CRTAC1: variants seen among roughly 807,000 people sequenced by gnomAD.
CRTAC1 encodes cartilage acidic protein 1.
Under a neutral mutation model 67.8 loss-of-function variants are expected in CRTAC1, and 37 were observed. That is an observed-to-expected ratio of 0.55 (90% CI 0.42 to 0.72). The LOEUF is 0.72. CRTAC1 is among the 30% of genes least tolerant of loss of function. The pLI is 0.00. For synonymous variants in CRTAC1, 348 were observed against 371.0 expected (o/e 0.94, Z 0.71); for missense variants, 780 against 931.6 (o/e 0.84, Z 2.12).
At chr10:97,939,293 C>G (rs770202755) in intron 2 of CRTAC1, among the ~76,000 whole-genome samples, 10 of 152,192 alleles carry the variant, frequency 6.6e-5, no homozygotes, top group Non-Finnish European at 1.3e-4. Flanking sequence ...GGCCCCGGCT[C>G]TCTTCTTTAA....
chr10:97,997,451 C>CA (rs746635057), intron 2 of CRTAC1, among the ~76,000 whole-genome samples: 1,430 of 46,434 alleles, frequency 0.031, 31 homozygotes, highest in African/African-American at 0.055. Context: ...GACTCTGTCT[C>CA]AAAAAAAAAA....
At chr10:97,997,726 G>C (rs1206508609) in intron 2 of CRTAC1, among the ~76,000 whole-genome samples, 1 of 152,102 alleles carries the variant, frequency 6.6e-6, no homozygotes, top group Non-Finnish European at 1.5e-5. Context: ...GATTTGAAAA[G>C]AACCATATAA....
chr10:98,016,548 T>C lies in CRTAC1; in HGVS notation c.25-5211A>G, dbSNP rs146974053. 7.9e-5 allele frequency among the ~76,000 whole-genome samples: 12 copies of C among 152,234 alleles called. No homozygotes were observed. In the East Asian group the frequency reaches 1.9e-3, roughly 25 times the overall value. ...GCATTCCCAGGAAGTTGTCAGGTGA[T>C]ATGAGACTCTAGGCTGGCGGCTCTG... is the stretch of plus-strand genomic sequence containing the variant. On this transcript the variant is annotated intron_variant, in intron 1 of 14. Transcript: ENST00000370597.
chr10:98,002,761 CTTTTTTTTTTTTTTTTTTTTTT>C (rs531021933), intron 2 of CRTAC1, among the ~76,000 whole-genome samples: 9 of 37,268 alleles, frequency 2.4e-4, no homozygotes, highest in East Asian at 7.5e-4. Flanking sequence ...ACAAAACTCA[CTTTTTTTTTTTTTTTTTTTTTT>C]TTTTTTTTTT....
chr10:97,897,808 C>A (rs1024213666), intron 8 of CRTAC1, among the ~76,000 whole-genome samples: 3 of 152,174 alleles, frequency 2.0e-5, no homozygotes, highest in African/African-American at 7.2e-5. Context: ...GGGTGCTCTG[C>A]CCTAGATGTG....
intron 2 of CRTAC1, among the ~76,000 whole-genome samples, chr10:98,001,172 C>T (rs909361443): frequency 3.9e-5 from 6 of 152,004 alleles, no homozygotes; most frequent in East Asian, 3.9e-4. Context: ...AAACAAAAAT[C>T]GACAGAATTA....
intron 2 of CRTAC1, among the ~76,000 whole-genome samples, chr10:97,989,184 G>A (rs756080561): frequency 6.6e-5 from 10 of 152,052 alleles, no homozygotes; most frequent in East Asian, 3.8e-4. Context: ...TGAACCTTTT[G>A]CTTGCAGACG....
intron 2 of CRTAC1, among the ~76,000 whole-genome samples, chr10:97,941,603 C>A (rs969082866): frequency 6.6e-6 from 1 of 152,140 alleles, no homozygotes; most frequent in Non-Finnish European, 1.5e-5. Context: ...AGGCCAGGAA[C>A]CTGCGTCAGA....
At chr10:97,898,698 C>T (rs187229064) in intron 8 of CRTAC1, among the ~76,000 whole-genome samples, 107 of 152,124 alleles carry the variant, frequency 7.0e-4, no homozygotes, top group Middle Eastern at 3.4e-3. Context: ...GCTCTGTCTG[C>T]AGGACTAGAG....
At position 97,980,720 on chromosome 10, in the gene CRTAC1, C is replaced by T. The variant is rs568149051; in HGVS notation, c.224+30418G>A. 1.1e-4 allele frequency among the ~76,000 whole-genome samples: 16 copies of T among 152,326 alleles called. No individual in the cohort carries two copies. In the East Asian group the frequency reaches 3.1e-3, roughly 29 times the overall value. ...GCACCTATGCACCAGAGCAGAGGCTCAGAGAAGTCTGGCACAAATAAGAGA... is the reference window on the plus strand; with the variant it reads ...GCACCTATGCACCAGAGCAGAGGCTTAGAGAAGTCTGGCACAAATAAGAGA... On this transcript the variant is annotated intron_variant, in intron 2 of 14. Coordinates refer to ENST00000370597, the MANE Select transcript of CRTAC1 (RefSeq NM_018058.7).
intron 11 of CRTAC1, among the ~76,000 whole-genome samples, chr10:97,889,337 G>A (rs374305450): frequency 4.4e-4 from 67 of 152,212 alleles, no homozygotes; most frequent in African/African-American, 1.5e-3. Context: ...CCAGGTTGGC[G>A]GTGGGGGAGC....
chr10:97,882,427 C>A (rs1402315800), intron 13 of CRTAC1, among the ~76,000 whole-genome samples: 2 of 152,246 alleles, frequency 1.3e-5, no homozygotes, highest in African/African-American at 4.8e-5. Flanking sequence ...CCCTTGCCTG[C>A]CAGCCCCCTT....
At chr10:98,023,691 G>T (rs140955432) in intron 1 of CRTAC1, among the ~76,000 whole-genome samples, 153 of 152,316 alleles carry the variant, frequency 1.0e-3, no homozygotes, top group African/African-American at 3.6e-3. Flanking sequence ...GACGGAAAGA[G>T]CCTGCCACCC....
At chr10:97,924,381 G>C (rs996880927) in intron 3 of CRTAC1, among the ~76,000 whole-genome samples, 5 of 152,220 alleles carry the variant, frequency 3.3e-5, no homozygotes, top group African/African-American at 7.2e-5. Context: ...GAAGGAATTG[G>C]GGAAGGTGAG....
rs1037822728 is a variant in CRTAC1 at position 98,030,573 on chromosome 10, C to G, written c.-101G>C. 15 of 833,120 alleles carry G rather than the reference C, an allele frequency of 1.8e-5. No homozygotes were observed. The highest frequency in any genetic ancestry group is 4.1e-4 in the Middle Eastern group (1 of 2,424). The allele number at this position is 833,120 out of a possible 1,614,324, so 51.6% of individuals were successfully genotyped here. A position where few individuals can be genotyped will look rare whatever the true frequency, so the allele number is the denominator to read the frequency against. On this transcript the variant is annotated 5_prime_UTR_variant, in exon 1 of 15. Transcript: ENST00000370597. This position sits in a 1 kb window ranked among gnomAD's most constrained non-coding sequence, Gnocchi z 4.2. The stretch of plus-strand genomic sequence containing the variant: ...GCCTGCTTGCTCCCAGCCCCGGTCC[C>G]GGGCTGGCCTCGAGCCTCCCGCCCC...
intron 2 of CRTAC1, among the ~76,000 whole-genome samples, chr10:97,962,081 T>G (rs1333719205): frequency 6.6e-6 from 1 of 152,232 alleles, no homozygotes; most frequent in Non-Finnish European, 1.5e-5. Flanking sequence ...AGCAAATCCC[T>G]GTTCTCAGAT....
chr10:97,956,122 G>A (rs1811382059), intron 2 of CRTAC1, among the ~76,000 whole-genome samples: 1 of 152,192 alleles, frequency 6.6e-6, no homozygotes. Flanking sequence ...TGACTTCCAG[G>A]AGGCAAGTTG....
intron 2 of CRTAC1, among the ~76,000 whole-genome samples, chr10:97,968,688 A>G (rs2136650435): frequency 6.6e-6 from 1 of 152,312 alleles, no homozygotes; most frequent in Non-Finnish European, 1.5e-5. Context: ...CAGCTTTAGG[A>G]CATGTTAGAA....
chr10:97,991,097 T>TAAAAAAA (rs1842443083), intron 2 of CRTAC1, among the ~76,000 whole-genome samples: 1 of 22,224 alleles, frequency 4.5e-5, no homozygotes, highest in Non-Finnish European at 7.4e-5. Context: ...AAACCATCTC[T>TAAAAAAA]ACAAAAAAAA....
Sources: allele counts gnomAD v4.1 joint callset (sites outside exome capture counted in the v4.1 genomes callset), GRCh38; gene constraint gnomAD v4.1.1; non-coding constraint Gnocchi (gnomAD v3.1); transcripts MANE v1.5; gene names NCBI Gene and HGNC (gene_info 2026-07-23, HGNC 2026-07-21).